Variants in KIF21A observed in about 807,000 individuals in gnomAD.
KIF21A encodes the protein kinesin family member 21A.
A neutral mutation model predicts 202.9 loss-of-function variants in KIF21A; 114 were observed. The ratio of observed to expected loss-of-function variants is 0.56; its 90% CI spans 0.48 to 0.66. KIF21A has a LOEUF of 0.66. Among genes scored for constraint, KIF21A ranks in the 30% least tolerant of loss-of-function variants. The pLI is 0.00. For synonymous variants in KIF21A, 667 were observed against 670.8 expected (o/e 0.99, Z 0.09); for missense variants, 1,677 against 1,994.9 (o/e 0.84, Z 3.04).
chr12:39,341,543 TCA>T lies in KIF21A; in HGVS notation c.1881_1882del (p.Glu628LysfsTer3). On this transcript the variant is annotated frameshift_variant, in exon 14 of 38. Transcript: ENST00000361418. LOFTEE classifies it high-confidence loss of function. Reference sequence around the variant, plus strand: ...TTCAGAATCTGATTCATCAGAACTTTCACCCCCATCAATGTCATCTTCCTCCT... The same window carrying T: ...TTCAGAATCTGATTCATCAGAACTTTCCCCCATCAATGTCATCTTCCTCCT... The T allele has an allele frequency of 6.2e-7, 1 of 1,613,208 alleles. No individual in the cohort carries two copies.
chr12:39,395,393 G>C (rs1391344712), intron 1 of KIF21A, among the ~76,000 whole-genome samples: 1 of 140,440 alleles, frequency 7.1e-6, no homozygotes, highest in East Asian at 2.5e-4. Context: ...CTTCTTCACC[G>C]CATTACTTCC....
At chr12:39,359,713 C>T (rs1454540530) in intron 7 of KIF21A, among the ~76,000 whole-genome samples, 1 of 152,190 alleles carries the variant, frequency 6.6e-6, no homozygotes, top group Admixed American at 6.5e-5. Flanking sequence ...ATTATTTTTA[C>T]TTACATAAAA....
rs1175723367 is a variant in KIF21A, at chr12:39,438,064, A to G, written c.44+4863T>C. 2.0e-5 allele frequency among the ~76,000 whole-genome samples: 3 copies of G among 152,320 alleles called. No individual in the cohort carries two copies. The East Asian group carries it at 5.8e-4, about 29-fold the overall frequency. ...AATAGATATCAGAAACCTGAGTTTG[A>G]GTTCCAATTCTGTTACTTAGTGGTG... is the stretch of plus-strand genomic sequence containing the variant. On this transcript the variant is annotated intron_variant, in intron 1 of 37. Transcript: ENST00000361418.
chr12:39,297,031 TA>T (rs1565607901), intron 37 of KIF21A, among the ~76,000 whole-genome samples: 1 of 152,314 alleles, frequency 6.6e-6, no homozygotes, highest in East Asian at 1.9e-4. Context: ...GAGGATGTGG[TA>T]AGAAGTGGTT....
intron 31 of KIF21A, chr12:39,311,806 T>C: frequency 2.3e-6 from 1 of 432,060 alleles, no homozygotes; most frequent in Non-Finnish European, 4.3e-6. Context: ...ATCTAGATTT[T>C]CTTATTAATA....
intron 27 of KIF21A, chr12:39,322,268 C>CT (rs1945354609): frequency 6.2e-6 from 1 of 161,750 alleles, no homozygotes; most frequent in South Asian, 1.7e-4. Context: ...TGACAGGACT[C>CT]TTAAAACTAG....
chr12:39,309,401 A>G (rs1943789121), intron 33 of KIF21A, among the ~76,000 whole-genome samples, 185 bp downstream of exon 33: 1 of 151,828 alleles, frequency 6.6e-6, no homozygotes, highest in South Asian at 2.1e-4. Context: ...CTTATATTTC[A>G]TTTGTCAAAT....
At chr12:39,428,851 G>A (rs1035631273) in intron 1 of KIF21A, among the ~76,000 whole-genome samples, 34 of 151,944 alleles carry the variant, frequency 2.2e-4, no homozygotes, top group African/African-American at 7.7e-4. Flanking sequence ...CTAGCTACTC[G>A]GGAGGCTGAG....
At position 39,315,234 on chromosome 12, in the gene KIF21A, G is replaced by C; in HGVS notation, c.3954C>G (p.Ser1318=). 6.2e-7 allele frequency: 1 copy of C among 1,611,904 alleles called. No individual in the cohort carries two copies. Among genetic ancestry groups the C allele is most frequent in the Non-Finnish European group, 8.5e-7 (1 of 1,178,552 alleles). ...CTCTCCCTTCCCCTGCCTACCTTCT[G>C]GAGGATCTGCTGATGATCAGCAAAA... The part of the protein sequence containing the change: ...DSSLSEVHRS[S]RRGIINPFPA... The change falls in exon 31 of 38, where the codon TCC becomes TCG. Residue 1318 remains serine (S), a synonymous_variant. Transcript: ENST00000361418.
chr12:39,333,588 T>C (rs1009240452), intron 17 of KIF21A, among the ~76,000 whole-genome samples: 1 of 152,190 alleles, frequency 6.6e-6, no homozygotes, highest in African/African-American at 2.4e-5. Flanking sequence ...TGTTATCTTA[T>C]TTAATTTTGT....
At position 39,333,271 on chromosome 12, in the gene KIF21A, T is replaced by C. The variant is rs1946661491; in HGVS notation, c.2428A>G (p.Arg810Gly). Residue 810 changes from arginine (R) to glycine (G), a missense_variant, in exon 18 of 38, where the codon AGA (arginine) becomes GGA (glycine). Transcript: ENST00000361418. ...TTTCTTTTTTGGGCTTCCAGAAGTC[T>C]AAGTTGATGCTATAAAATAATATTA... Reference protein sequence around the residue: ...KDQRKRDHQLRLLEAQKRNQE... With the variant: ...KDQRKRDHQLGLLEAQKRNQE... The C allele has an allele frequency of 1.2e-6, 2 of 1,602,800 alleles. No homozygotes were observed. Among genetic ancestry groups the C allele is most frequent in the African/African-American group, 2.7e-5 (2 of 74,788 alleles).
intron 1 of KIF21A, among the ~76,000 whole-genome samples, chr12:39,402,234 T>C (rs1952221576): frequency 6.6e-6 from 1 of 152,146 alleles, no homozygotes; most frequent in South Asian, 2.1e-4. Flanking sequence ...GATAACAGAA[T>C]AGTGAAAATC....
intron 1 of KIF21A, among the ~76,000 whole-genome samples, chr12:39,371,401 C>G (rs1361400395): frequency 6.6e-6 from 1 of 152,208 alleles, no homozygotes; most frequent in African/African-American, 2.4e-5. Context: ...GAATCCAACA[C>G]CATCCTATCT....
chr12:39,311,189 C>G (rs1943994448), intron 32 of KIF21A, among the ~76,000 whole-genome samples: 1 of 151,916 alleles, frequency 6.6e-6, no homozygotes, highest in South Asian at 2.1e-4. Context: ...TGCCCAAATA[C>G]TGTAGAGAGA....
intron 12 of KIF21A, 111 bp downstream of exon 12, chr12:39,346,355 G>A (rs1407327827): frequency 3.4e-6 from 2 of 596,972 alleles, no homozygotes; most frequent in Non-Finnish European, 4.9e-6. Context: ...TTTAGGAGCA[G>A]CCCAGCTTAT....
At chr12:39,429,845 G>A (rs924401567) in intron 1 of KIF21A, among the ~76,000 whole-genome samples, 3 of 151,800 alleles carry the variant, frequency 2.0e-5, no homozygotes, top group African/African-American at 2.4e-5. Flanking sequence ...ACAGCAGATA[G>A]AAGGAGGAGA....
intron 33 of KIF21A, among the ~76,000 whole-genome samples, chr12:39,308,944 T>TAA (rs1394687741): frequency 6.6e-6 from 1 of 152,154 alleles, no homozygotes; most frequent in African/African-American, 2.4e-5. Flanking sequence ...CTTCTCTCAT[T>TAA]TAAATGACTA....
At chr12:39,387,380 A>C (rs1024978317) in intron 1 of KIF21A, among the ~76,000 whole-genome samples, 2 of 152,142 alleles carry the variant, frequency 1.3e-5, no homozygotes, top group Non-Finnish European at 2.9e-5. Flanking sequence ...AGAACCTCCC[A>C]AAGGACATAA....
chr12:39,404,869 AG>A (rs1296672442), intron 1 of KIF21A, among the ~76,000 whole-genome samples: 3 of 152,216 alleles, frequency 2.0e-5, no homozygotes. Context: ...CTATTTCAGC[AG>A]TATCAATAAT....
Sources: gnomAD v4.1 joint callset for allele counts (sites outside exome capture counted in the v4.1 genomes callset) on GRCh38, gnomAD v4.1.1 for gene constraint, MANE v1.5 for transcripts, NCBI Gene and HGNC (gene_info 2026-07-23, HGNC 2026-07-21) for gene names.